Variants in TAF9B observed in about 807,000 individuals in gnomAD.
The protein encoded by TAF9B is TATA-box binding protein associated factor 9b.
TAF9B carries 47 observed loss-of-function variants against 17.6 expected under a neutral mutation model. The ratio of observed to expected loss-of-function variants is 2.68; its 90% CI spans 2.12 to 3.41. The LOEUF (loss-of-function observed/expected upper bound fraction) is 3.41, where lower values mean the gene tolerates loss of function less well. Ranked by LOEUF, TAF9B falls within the 30% of genes most tolerant of loss-of-function variation. The probability of loss-of-function intolerance (pLI) is 0.00; values close to 1 mark genes in which losing one functional copy is unlikely to be tolerated. For missense variants in TAF9B, 218 were observed against 189.3 expected, an observed-to-expected ratio of 1.15 and a Z score of -0.89; for synonymous variants, 84 against 68.7, an observed-to-expected ratio of 1.22 and a Z score of -1.10.
chrX:78,132,014 A>AT (rs1463488546), intron 6 of TAF9B, among the ~76,000 whole-genome samples: 1 of 111,886 alleles, frequency 8.9e-6, no homozygotes, highest in African/African-American at 3.3e-5. Context: ...TTAAATTACT[A>AT]TTTTTTTGAG....
chrX:78,133,368 G>A lies in TAF9B; in HGVS notation c.562C>T (p.Pro188Ser). Reference sequence around the variant, plus strand: ...TTGACAGGTGTGGACTGAGAAGGTGGAATCTGCACCGTAAATCTTTGGCTT... The same window carrying A: ...TTGACAGGTGTGGACTGAGAAGGTGAAATCTGCACCGTAAATCTTTGGCTT... ...VTSQRFTVQI[P>S]PSQSTPVKPV... Residue 188 changes from proline to serine, a missense_variant, in exon 6 of 7, where the codon CCA becomes TCA. Coordinates refer to ENST00000341864, the MANE Select transcript of TAF9B (RefSeq NM_015975.5). 1 of 1,211,019 alleles carries A rather than the reference G, an allele frequency of 8.3e-7. No homozygotes were observed. Among genetic ancestry groups the A allele is most frequent in the African/African-American group, 1.7e-5 (1 of 57,846 alleles).
In TAF9B at chrX:78,130,091, T is replaced by C. The variant is rs1234015299; in HGVS notation, c.*1519A>G. On this transcript the variant is annotated 3_prime_UTR_variant, in exon 7 of 7. Transcript: ENST00000341864. ...TCTATTTTTATACATTTTACCTGTTTTTATATTACCTTTCCCTAATACTGA... is the reference window on the plus strand; with the variant it reads ...TCTATTTTTATACATTTTACCTGTTCTTATATTACCTTTCCCTAATACTGA... The C allele has an allele frequency of 8.9e-6, 1 of 112,372 alleles. No individual in the cohort carries two copies. Among genetic ancestry groups the C allele is most frequent in the Non-Finnish European group, 1.9e-5 (1 of 53,221 alleles). The allele number at this position is 112,372 out of a possible 1,213,427, so 9.3% of individuals were successfully genotyped here.
intron 5 of TAF9B, among the ~76,000 whole-genome samples, chrX:78,134,729 G>C (rs1187665533): frequency 8.9e-6 from 1 of 111,736 alleles, no homozygotes; most frequent in East Asian, 2.8e-4. Context: ...TTAAGGATCA[G>C]TTCAAAGAAT....
At chrX:78,134,922 T>C (rs782659550) in intron 5 of TAF9B, among the ~76,000 whole-genome samples, 1 of 108,905 alleles carries the variant, frequency 9.2e-6, no homozygotes, top group African/African-American at 3.3e-5. Context: ...ACAGAGTAAA[T>C]ACTCAGGTCT....
intron 5 of TAF9B, among the ~76,000 whole-genome samples, chrX:78,135,669 C>T (rs1557249956): frequency 2.7e-5 from 3 of 111,482 alleles, no homozygotes; most frequent in African/African-American, 9.8e-5. Flanking sequence ...TGGTAGTGCC[C>T]TGACTCTAGA....
Position 78,136,943 on chromosome X carries a change from A to G in TAF9B, c.453T>C (p.Val151=). The change falls in exon 5 of 7, where the codon GTT becomes GTC. Residue 151 remains valine (V), a synonymous_variant. Coordinates refer to ENST00000341864, the MANE Select transcript of TAF9B (RefSeq NM_015975.5). ...TAGTAGGAGTAGTAGGTTTGCTACT[A>G]ACAGCACCAACACTTAATCGTGGAA... ...RLVPRLSVGA[V]SSKPTTPTIA... is the part of the protein sequence containing the mutation. The G allele has an allele frequency of 8.3e-7, 1 of 1,206,844 alleles. No homozygotes were observed. Among genetic ancestry groups the G allele is most frequent in the Non-Finnish European group, 1.1e-6 (1 of 891,513 alleles).
chrX:78,134,664 G>A (rs2078427286), intron 5 of TAF9B, among the ~76,000 whole-genome samples: 1 of 111,772 alleles, frequency 8.9e-6, no homozygotes, highest in East Asian at 2.8e-4. Flanking sequence ...CCCAAACACA[G>A]AAGGTGAGAC....
intron 6 of TAF9B, among the ~76,000 whole-genome samples, chrX:78,132,581 CTG>C (rs1271430485): frequency 9.3e-6 from 1 of 107,320 alleles, no homozygotes; most frequent in Non-Finnish European, 1.9e-5. Context: ...CATTAGTAAA[CTG>C]TGCTATGACA....
rs2078406582 is a variant in TAF9B, at chrX:78,130,738, C to T, written c.*872G>A. The T allele has an allele frequency of 8.9e-6, 1 of 112,369 alleles. No homozygotes were observed. The highest frequency in any genetic ancestry group is 3.2e-5 in the African/African-American group (1 of 30,831). The allele number at this position is 112,369 out of a possible 1,213,427, so 9.3% of individuals were successfully genotyped here. On this transcript the variant is annotated 3_prime_UTR_variant, in exon 7 of 7. Coordinates refer to ENST00000341864, the MANE Select transcript of TAF9B (RefSeq NM_015975.5). ...GAAATGTGAAACATGGAAGAGTTATCAACTTGGAATACAATACTAAAACTG... is the reference window on the plus strand; with the variant it reads ...GAAATGTGAAACATGGAAGAGTTATTAACTTGGAATACAATACTAAAACTG...
Position 78,131,560 on chromosome X carries a change from G to T in TAF9B, c.*50C>A. 9.1e-7 allele frequency: 1 copy of T among 1,103,518 alleles called. No individual in the cohort carries two copies. Among genetic ancestry groups the T allele is most frequent in the Non-Finnish European group, 1.2e-6 (1 of 808,314 alleles). 90.9% of individuals were successfully genotyped at this position (1,103,518 alleles called of 1,213,427 possible). On this transcript the variant is annotated 3_prime_UTR_variant, in exon 7 of 7. Transcript: ENST00000341864. The stretch of plus-strand genomic sequence containing the variant: ...AGAATATTCTAGTTCAGTATACTGG[G>T]CTCAAAACCAACTTTCCTTTTGAAA...
At chrX:78,138,957 A>T (rs371088100) in intron 1 of TAF9B, 33 bp from the exon 2 acceptor site, 15 of 1,059,633 alleles carry the variant, frequency 1.4e-5, no homozygotes, top group Non-Finnish European at 2.0e-5. Context: ...CAGATGCAGA[A>T]TTTGGTACTG....
Position 78,139,637 on chromosome X carries a change from G to A in TAF9B, c.-26C>T. ...GTTATCCAGCCACTCGTCATCCGCG[G>A]AGACAGAGGAGAGAGGAGAGCTCGC... is the stretch of plus-strand genomic sequence containing the variant. On this transcript the variant is annotated 5_prime_UTR_variant, in exon 1 of 7. Coordinates refer to ENST00000341864, the MANE Select transcript of TAF9B (RefSeq NM_015975.5). 5 of 1,210,776 alleles carry A rather than the reference G, an allele frequency of 4.1e-6. No homozygotes were observed. The South Asian group carries it at 5.3e-5, about 13-fold the overall frequency.
intron 6 of TAF9B, among the ~76,000 whole-genome samples, chrX:78,132,970 C>G (rs1557249670): frequency 9.0e-6 from 1 of 111,569 alleles, no homozygotes; most frequent in East Asian, 2.8e-4. Flanking sequence ...TTTGAGAGAT[C>G]ACACTCACAT....
chrX:78,131,421 G>GTAA lies in TAF9B; in HGVS notation c.*186_*188dup, dbSNP rs782365994. The GTAA allele has an allele frequency of 2.3e-5, 8 of 345,488 alleles. No individual in the cohort carries two copies. Among genetic ancestry groups the GTAA allele is most frequent in the Admixed American group, 2.1e-4 (4 of 18,748 alleles). 28.5% of individuals were successfully genotyped at this position (345,488 alleles called of 1,213,427 possible). Reference sequence around the variant, plus strand: ...TTAAGAAACAAGTACTTAACTGTTTGTAATTGAAGCCTACTGAAAAACACA... The same window carrying GTAA: ...TTAAGAAACAAGTACTTAACTGTTTGTAATAATTGAAGCCTACTGAAAAACACA... On this transcript the variant is annotated 3_prime_UTR_variant, in exon 7 of 7. Transcript: ENST00000341864.
Position 78,133,353 on chromosome X carries a change from TG to T in TAF9B, c.576del (p.Thr193HisfsTer16). The part of the protein sequence containing the change: ...RFTVQIPPSQ[S>X]TPVKPVPATT... The stretch of plus-strand genomic sequence containing the variant: ...ATCACATTACCTGGTTTGACAGGTG[TG>T]GACTGAGAAGGTGGAATCTGCACCG... On this transcript the variant is annotated frameshift_variant, in exon 6 of 7. Transcript: ENST00000341864. LOFTEE classifies it high-confidence loss of function. 5 of 1,208,631 alleles carry T rather than the reference TG, an allele frequency of 4.1e-6. No homozygotes were observed. Among genetic ancestry groups the T allele is most frequent in the Non-Finnish European group, 5.6e-6 (5 of 892,443 alleles).
intron 6 of TAF9B, among the ~76,000 whole-genome samples, chrX:78,132,133 A>G (rs1341728217): frequency 1.8e-5 from 2 of 111,103 alleles, no homozygotes; most frequent in Non-Finnish European, 3.8e-5. Context: ...AGCCGGGATT[A>G]TAGGCGTGTA....
chrX:78,131,441 A>G lies in TAF9B; in HGVS notation c.*169T>C. ...TGTTTGTAATTGAAGCCTACTGAAA[A>G]ACACATTTGTATGTTTACTAAAGAG... On this transcript the variant is annotated 3_prime_UTR_variant, in exon 7 of 7. Coordinates refer to ENST00000341864, the MANE Select transcript of TAF9B (RefSeq NM_015975.5). The G allele has an allele frequency of 2.6e-6, 1 of 380,960 alleles. No homozygotes were observed. Among genetic ancestry groups the G allele is most frequent in the Non-Finnish European group, 4.4e-6 (1 of 225,436 alleles). The allele number at this position is 380,960 out of a possible 1,213,427, so 31.4% of individuals were successfully genotyped here. A position where few individuals can be genotyped will look rare whatever the true frequency, so the allele number is the denominator to read the frequency against.
At chrX:78,134,863 G>A (rs1379163779) in intron 5 of TAF9B, among the ~76,000 whole-genome samples, 1 of 111,395 alleles carries the variant, frequency 9.0e-6, no homozygotes, top group African/African-American at 3.3e-5. Context: ...TGGAGTTCAG[G>A]CTTTAAAACT....
At position 78,130,540 on chromosome X, in the gene TAF9B, A is replaced by G. The variant is rs2078405099; in HGVS notation, c.*1070T>C. ...ATCCTGTCTTATATGTGACATCCTCAGCAACAAGCTAAAATGATCTGAATT... is the reference window on the plus strand; with the variant it reads ...ATCCTGTCTTATATGTGACATCCTCGGCAACAAGCTAAAATGATCTGAATT... On this transcript the variant is annotated 3_prime_UTR_variant, in exon 7 of 7. Transcript: ENST00000341864. The G allele has an allele frequency of 8.9e-6, 1 of 112,624 alleles. No homozygotes were observed. The highest frequency in any genetic ancestry group is 9.5e-5 in the Admixed American group (1 of 10,569). The allele number at this position is 112,624 out of a possible 1,213,427, so 9.3% of individuals were successfully genotyped here. A position where few individuals can be genotyped will look rare whatever the true frequency, so the allele number is the denominator to read the frequency against.
Sources: allele counts gnomAD v4.1 joint callset (sites outside exome capture counted in the v4.1 genomes callset), GRCh38; gene constraint gnomAD v4.1.1; transcripts MANE v1.5; gene names NCBI Gene and HGNC (gene_info 2026-07-23, HGNC 2026-07-21).